Variants in SYNRG observed in about 807,000 individuals in gnomAD.
The protein encoded by SYNRG is synergin gamma.
In SYNRG, 37 loss-of-function variants were observed where a neutral mutation model predicts 130.9. The observed-to-expected ratio is 0.28, with a 90% CI of 0.22 to 0.37. SYNRG has a LOEUF of 0.37. Ranked by LOEUF, SYNRG falls within the 10% of genes least tolerant of loss-of-function variation. SYNRG has a pLI of 1.00. For synonymous variants in SYNRG, 539 were observed against 568.1 expected, an observed-to-expected ratio of 0.95 and a Z score of 0.73; for missense variants, 1,338 against 1,588.9, an observed-to-expected ratio of 0.84 and a Z score of 2.68.
chr17:37,546,264 CAA>C (rs781116006), intron 14 of SYNRG, among the ~76,000 whole-genome samples: 56 of 151,920 alleles, frequency 3.7e-4, no homozygotes, highest in Non-Finnish European at 6.2e-4. Context: ...CTGAAAATTG[CAA>C]GAGAAAAAGG....
At chr17:37,567,492 A>G (rs2060085707) in intron 11 of SYNRG, 1 of 152,192 alleles carries the variant, frequency 6.6e-6, no homozygotes, top group African/African-American at 2.4e-5. Context: ...TGTTTGAAGG[A>G]AGAGATCTGA....
At chr17:37,594,190 T>G (rs1011934752) in intron 3 of SYNRG, among the ~76,000 whole-genome samples, 1 of 127,240 alleles carries the variant, frequency 7.9e-6, no homozygotes, top group Admixed American at 7.7e-5. Context: ...TATTAATTAT[T>G]TTAATTATAT....
At position 37,540,550 on chromosome 17, in the gene SYNRG, G is replaced by T; in HGVS notation, c.3203-7C>A. The stretch of plus-strand genomic sequence containing the variant: ...AAACTCCTCTTGTGTGATCCTGGGA[G>T]AAGGGGATAATACAGTCAAAGGTTT... On this transcript the variant is annotated splice_polypyrimidine_tract_variant and splice_region_variant and intron_variant, in intron 15 of 21. Coordinates refer to ENST00000612223, the MANE Select transcript of SYNRG (RefSeq NM_007247.6). 1.2e-6 allele frequency: 2 copies of T among 1,612,310 alleles called. No homozygotes were observed. The highest frequency in any genetic ancestry group is 1.7e-6 in the Non-Finnish European group (2 of 1,179,088).
chr17:37,580,717 TAG>T (rs1030706188), intron 6 of SYNRG, among the ~76,000 whole-genome samples: 7 of 152,146 alleles, frequency 4.6e-5, no homozygotes, highest in African/African-American at 1.7e-4. Flanking sequence ...GTATTTTTAG[TAG>T]AGACGGGGTT....
At chr17:37,569,517 T>A (rs1193439552) in intron 10 of SYNRG, among the ~76,000 whole-genome samples, 2 of 151,262 alleles carry the variant, frequency 1.3e-5, no homozygotes, top group East Asian at 3.9e-4. Context: ...TAGCCGGGTG[T>A]GGTGGCGGGC....
In SYNRG at chr17:37,520,211, C is replaced by A; in HGVS notation, c.3781G>T (p.Glu1261Ter). 6.2e-7 allele frequency: 1 copy of A among 1,614,208 alleles called. No homozygotes were observed. The highest frequency in any genetic ancestry group is 8.5e-7 in the Non-Finnish European group (1 of 1,180,028). ...LLNVDSRSRK[E>*]EKPAEEHPKK... ...GGATGTTCTTCTGCAGGCTTCTCTT[C>A]TTTCTGAAATAACGTTGAAACCACA... The change falls in exon 21 of 22, where the codon GAA becomes TAA. Residue 1261 changes from glutamate to a stop codon, truncating the protein, a stop_gained. Coordinates refer to ENST00000612223, the MANE Select transcript of SYNRG (RefSeq NM_007247.6). LOFTEE classifies it high-confidence loss of function.
intron 1 of SYNRG, 86 bp downstream of exon 1, chr17:37,609,193 G>A (rs2064157703): frequency 1.5e-6 from 2 of 1,319,304 alleles, no homozygotes; most frequent in South Asian, 1.8e-5. Flanking sequence ...AAAGGATCAG[G>A]GCTGGAGAAA....
chr17:37,583,624 T>C (rs1419778018), intron 6 of SYNRG, among the ~76,000 whole-genome samples: 1 of 152,234 alleles, frequency 6.6e-6, no homozygotes, highest in Non-Finnish European at 1.5e-5. Flanking sequence ...CTAAATGATT[T>C]ATGAAAACTG....
chr17:37,528,411 G>C (rs189432120), intron 19 of SYNRG, among the ~76,000 whole-genome samples: 1 of 152,270 alleles, frequency 6.6e-6, no homozygotes, highest in African/African-American at 2.4e-5. Flanking sequence ...ATAGCACAAG[G>C]ATCGGCAGGC....
At chr17:37,553,023 G>A (rs943868670) in intron 14 of SYNRG, 92 bp downstream of exon 14, 37 of 1,176,854 alleles carry the variant, frequency 3.1e-5, no homozygotes, top group Non-Finnish European at 4.2e-5. Context: ...TAAAGCTAAA[G>A]GGCCAGAGCC....
chr17:37,520,438 C>G, intron 20 of SYNRG, 100 bp downstream of exon 20: 1 of 1,246,934 alleles, frequency 8.0e-7, no homozygotes, highest in Non-Finnish European at 1.2e-6. Context: ...AAAATCCCCA[C>G]CTCTGGTCAC....
At chr17:37,537,078 C>A (rs1239958822) in intron 18 of SYNRG, 1 of 152,222 alleles carries the variant, frequency 6.6e-6, no homozygotes, top group Non-Finnish European at 1.5e-5. Context: ...GGAGAAAAGA[C>A]AGGTGCCCCA....
In SYNRG at chr17:37,517,453, G is replaced by A. The variant is rs1021942903; in HGVS notation, c.*1487C>T. ...GGCCAGAGACGGTATCATCGGGAGC[G>A]AGTGAGAAAAGCCTTTCTCTCCTCG... On this transcript the variant is annotated 3_prime_UTR_variant, in exon 22 of 22. Transcript: ENST00000612223. The A allele has an allele frequency of 7.9e-5, 12 of 151,836 alleles. No individual in the cohort carries two copies. Among genetic ancestry groups the A allele is most frequent in the Non-Finnish European group, 1.3e-4 (9 of 67,990 alleles). The allele number at this position is 151,836 out of a possible 1,614,324, so 9.4% of individuals were successfully genotyped here.
At chr17:37,578,539 C>T (rs551595286) in intron 6 of SYNRG, among the ~76,000 whole-genome samples, 7 of 152,064 alleles carry the variant, frequency 4.6e-5, no homozygotes, top group Non-Finnish European at 7.4e-5. Flanking sequence ...CCACTAACTC[C>T]TAGGGAGGCC....
chr17:37,554,352 A>G (rs138430907), intron 13 of SYNRG, among the ~76,000 whole-genome samples: 123 of 152,286 alleles, frequency 8.1e-4, no homozygotes, highest in East Asian at 5.8e-3. Flanking sequence ...AACTGGCTAA[A>G]AGTACTCCTC....
At chr17:37,548,092 T>C (rs1052582893) in intron 14 of SYNRG, among the ~76,000 whole-genome samples, 2 of 152,238 alleles carry the variant, frequency 1.3e-5, no homozygotes, top group Non-Finnish European at 2.9e-5. Flanking sequence ...TTCTGCAGCC[T>C]GCTCAGATAA....
intron 15 of SYNRG, 123 bp from the exon 16 acceptor site, chr17:37,540,666 G>C: frequency 9.9e-7 from 1 of 1,007,124 alleles, no homozygotes. Context: ...ACAGATTCTT[G>C]CTCTGTCGCT....
chr17:37,584,108 C>G (rs1436340248), intron 6 of SYNRG, among the ~76,000 whole-genome samples: 2 of 152,148 alleles, frequency 1.3e-5, no homozygotes, highest in Non-Finnish European at 2.9e-5. Flanking sequence ...ATCCCTTTAC[C>G]CTGCTCTAAA....
intron 17 of SYNRG, among the ~76,000 whole-genome samples, chr17:37,538,873 G>A (rs1207925559): frequency 1.3e-5 from 2 of 152,224 alleles, no homozygotes; most frequent in Non-Finnish European, 2.9e-5. Context: ...GATTATAGGT[G>A]TTGAGCCACC....
Sources: allele counts gnomAD v4.1 joint callset (sites outside exome capture counted in the v4.1 genomes callset), GRCh38; gene constraint gnomAD v4.1.1; transcripts MANE v1.5; gene names NCBI Gene and HGNC (gene_info 2026-07-23, HGNC 2026-07-21).